DIS3L2: variants seen among roughly 807,000 people sequenced by gnomAD.
The protein encoded by DIS3L2 is DIS3 like 3'-5' exoribonuclease 2, also known as DIS3-like exonuclease 2.
In DIS3L2, 34 loss-of-function variants were observed where a neutral mutation model predicts 97.5. That is an observed-to-expected ratio of 0.35 (90% CI 0.27 to 0.46). The LOEUF (loss-of-function observed/expected upper bound fraction) is 0.46, where lower values mean the gene tolerates loss of function less well. Among genes scored for constraint, DIS3L2 ranks in the 20% least tolerant of loss-of-function variants. The probability of loss-of-function intolerance (pLI) is 1.00; values close to 1 mark genes in which losing one functional copy is unlikely to be tolerated. For missense variants in DIS3L2, 1,038 were observed against 1,146.0 expected (o/e 0.91, Z 1.36); for synonymous variants, 435 against 445.2 (o/e 0.98, Z 0.29).
At chr2:232,001,298 A>G (rs1266232473) in intron 1 of DIS3L2, among the ~76,000 whole-genome samples, 1 of 152,134 alleles carries the variant, frequency 6.6e-6, no homozygotes, top group African/African-American at 2.4e-5. Context: ...CATTCCCCTA[A>G]TGATTAGTGA....
rs536265484 is a variant in DIS3L2 at position 232,036,527 on chromosome 2, C to T, written c.366+6447C>T. On this transcript the variant is annotated intron_variant, in intron 5 of 20. Coordinates refer to ENST00000325385, the MANE Select transcript of DIS3L2 (RefSeq NM_152383.5). ...TTTCTGAAGCCTACTTCTGCCAGTT[C>T]GTCAAACTCATTCTCCGTCCAGTTT... Among the ~76,000 whole-genome samples the T allele has an allele frequency of 2.2e-3, 334 of 152,290 alleles. 2 individuals carry two copies. The highest frequency in any genetic ancestry group is 7.6e-3 in the African/African-American group (314 of 41,550).
chr2:232,339,609 C>A, downstream of DIS3L2: 1 of 409,358 alleles, frequency 2.4e-6, no homozygotes, highest in Non-Finnish European at 5.0e-6. Context: ...GGGACAAGAG[C>A]CTCTCCAGGC....
chr2:231,982,711 A>T lies in DIS3L2; in HGVS notation c.-94+20946A>T, dbSNP rs531303025. Among the ~76,000 whole-genome samples the T allele has an allele frequency of 2.8e-3, 412 of 148,916 alleles. 5 individuals are homozygous for T. The highest frequency in any genetic ancestry group is 0.01 in the African/African-American group (404 of 40,008). On this transcript the variant is annotated intron_variant, in intron 1 of 20. Transcript: ENST00000325385. ...TTTTTTTTTTTTGAAACAGAGTCTC[A>T]CCCTGTTGCCCAGGCTGGAGTGTAG...
chr2:232,174,532 GCAGAGAT>G (rs1341797760), intron 9 of DIS3L2, among the ~76,000 whole-genome samples: 3 of 144,624 alleles, frequency 2.1e-5, no homozygotes, highest in African/African-American at 7.8e-5. Flanking sequence ...GCAGCAGTGA[GCAGAGAT>G]CACGCCACTG....
intron 13 of DIS3L2, among the ~76,000 whole-genome samples, chr2:232,294,527 A>G (rs1467952354): frequency 6.6e-6 from 1 of 152,048 alleles, no homozygotes; most frequent in Non-Finnish European, 1.5e-5. Flanking sequence ...AGGATCCCCT[A>G]CCCTTATCCC....
chr2:232,335,916 C>T (rs1478085783), intron 20 of DIS3L2, 42 bp downstream of exon 20: 3 of 1,548,710 alleles, frequency 1.9e-6, no homozygotes, highest in South Asian at 1.2e-5. Flanking sequence ...GTCCTGATGA[C>T]CCCTCTCCTG....
intron 10 of DIS3L2, among the ~76,000 whole-genome samples, chr2:232,212,663 C>T (rs1452515362): frequency 1.3e-5 from 2 of 152,052 alleles, no homozygotes; most frequent in East Asian, 1.9e-4. Context: ...TGTTGTTCAG[C>T]AAGAGAGCAT....
At chr2:231,988,094 C>T (rs561276375) in intron 1 of DIS3L2, among the ~76,000 whole-genome samples, 44 of 152,300 alleles carry the variant, frequency 2.9e-4, no homozygotes, top group Non-Finnish European at 4.1e-4. Flanking sequence ...CCACCTGCCT[C>T]GGCTTCCCAA....
chr2:232,240,695 C>T (rs1693056576), intron 11 of DIS3L2, among the ~76,000 whole-genome samples: 1 of 152,150 alleles, frequency 6.6e-6, no homozygotes, highest in South Asian at 2.1e-4. Flanking sequence ...GTCTATGACA[C>T]CTGAGTCCAA....
At chr2:232,141,559 G>A (rs932529950) in intron 8 of DIS3L2, among the ~76,000 whole-genome samples, 2 of 152,164 alleles carry the variant, frequency 1.3e-5, no homozygotes, top group Non-Finnish European at 2.9e-5. Flanking sequence ...TTAATGGGAG[G>A]CTGTGGAAAT....
chr2:232,188,837 C>T (rs545908185), intron 9 of DIS3L2, among the ~76,000 whole-genome samples: 1 of 152,208 alleles, frequency 6.6e-6, no homozygotes, highest in South Asian at 2.1e-4. Flanking sequence ...TTGTAAACCA[C>T]ATATCCAACA....
At chr2:232,306,411 A>G (rs543476402) in intron 14 of DIS3L2, among the ~76,000 whole-genome samples, 2 of 152,154 alleles carry the variant, frequency 1.3e-5, no homozygotes, top group African/African-American at 4.8e-5. Context: ...TCAACGTCTG[A>G]TACTCCCGGC....
At chr2:231,982,144 TA>T (rs1356335545) in intron 1 of DIS3L2, among the ~76,000 whole-genome samples, 1 of 152,096 alleles carries the variant, frequency 6.6e-6, no homozygotes, top group African/African-American at 2.4e-5. Flanking sequence ...TTATATTTAA[TA>T]GATAGACTCT....
At chr2:232,026,422 G>C (rs897207463) in intron 4 of DIS3L2, among the ~76,000 whole-genome samples, 1 of 152,032 alleles carries the variant, frequency 6.6e-6, no homozygotes, top group African/African-American at 2.4e-5. Context: ...GTCCCCTTGT[G>C]ATTCCCTTGC....
chr2:232,154,856 T>C (rs1175483991), intron 8 of DIS3L2, among the ~76,000 whole-genome samples: 1 of 66,532 alleles, frequency 1.5e-5, no homozygotes, highest in Non-Finnish European at 2.9e-5. Flanking sequence ...ATCAGCGAGA[T>C]TCCGTGGGCG....
intron 9 of DIS3L2, among the ~76,000 whole-genome samples, chr2:232,176,797 A>T (rs1324967021): frequency 6.7e-6 from 1 of 148,648 alleles, no homozygotes; most frequent in Non-Finnish European, 1.5e-5. Context: ...TAATTAATTT[A>T]TTATTATTAT....
intron 6 of DIS3L2, among the ~76,000 whole-genome samples, chr2:232,101,620 A>G (rs996553855): frequency 6.6e-6 from 1 of 152,232 alleles, no homozygotes; most frequent in African/African-American, 2.4e-5. Context: ...TATTCCCAAG[A>G]TGCAGAAAAG....
rs1247480222 is a variant in DIS3L2 at position 232,268,154 on chromosome 2, C to T, written c.1659+4714C>T. Reference sequence around the variant, plus strand: ...TGAGCAGTTCCTTCTGGGTCACTGACTTTGGGAATTCAGAGGAAGTTGAAG... The same window carrying T: ...TGAGCAGTTCCTTCTGGGTCACTGATTTTGGGAATTCAGAGGAAGTTGAAG... On this transcript the variant is annotated intron_variant, in intron 13 of 20. Transcript: ENST00000325385. This position sits in a 1 kb window ranked among gnomAD's most constrained non-coding sequence, Gnocchi z 4.1. 5.3e-5 allele frequency among the ~76,000 whole-genome samples: 8 copies of T among 152,172 alleles called. No individual in the cohort carries two copies. The highest frequency in any genetic ancestry group is 1.7e-4 in the African/African-American group (7 of 41,432).
intron 6 of DIS3L2, among the ~76,000 whole-genome samples, chr2:232,119,916 G>A (rs1447151529): frequency 1.3e-5 from 2 of 152,136 alleles, no homozygotes; most frequent in Non-Finnish European, 2.9e-5. Context: ...AGGGAAATGG[G>A]GTAGTGAAAG....
Sources: allele counts gnomAD v4.1 joint callset (sites outside exome capture counted in the v4.1 genomes callset), GRCh38; gene constraint gnomAD v4.1.1; non-coding constraint Gnocchi (gnomAD v3.1); transcripts MANE v1.5; gene names NCBI Gene and HGNC (gene_info 2026-07-23, HGNC 2026-07-21).